The following CNKSR3 variants were observed in gnomAD, a reference collection of about 807,000 sequenced individuals.
The protein encoded by CNKSR3 is connector enhancer of kinase suppressor of ras 3.
Under a neutral mutation model 67.7 loss-of-function variants are expected in CNKSR3, and 36 were observed. The ratio of observed to expected loss-of-function variants is 0.53; its 90% CI spans 0.41 to 0.70. The LOEUF (loss-of-function observed/expected upper bound fraction) is 0.70, where lower values mean the gene tolerates loss of function less well. CNKSR3 is among the 30% of genes least tolerant of loss of function. The pLI, the probability that CNKSR3 is intolerant of heterozygous loss-of-function variation, is 0.00. For synonymous variants in CNKSR3, 281 were observed against 271.4 expected, an observed-to-expected ratio of 1.04 and a Z score of -0.35; for missense variants, 630 against 695.2, an observed-to-expected ratio of 0.91 and a Z score of 1.05.
At chr6:154,505,643 G>T (rs753177306) in intron 1 of CNKSR3, among the ~76,000 whole-genome samples, 2 of 150,780 alleles carry the variant, frequency 1.3e-5, no homozygotes, top group South Asian at 4.2e-4. Flanking sequence ...GACTACAGGC[G>T]CCCACCACCA....
chr6:154,480,496 A>G (rs1437956372), intron 1 of CNKSR3, among the ~76,000 whole-genome samples: 3 of 152,186 alleles, frequency 2.0e-5, no homozygotes, highest in African/African-American at 7.2e-5. Context: ...GCGGAGTCTC[A>G]TGAGCAGGAT....
intron 1 of CNKSR3, among the ~76,000 whole-genome samples, chr6:154,463,220 C>T (rs1230630698): frequency 4.6e-5 from 7 of 151,882 alleles, no homozygotes; most frequent in Non-Finnish European, 1.0e-4. Flanking sequence ...CAGGCGCCCA[C>T]CACCACGCCC....
intron 5 of CNKSR3, 22 bp downstream of exon 5, chr6:154,433,444 A>G (rs1367973888): frequency 6.5e-7 from 1 of 1,527,824 alleles, no homozygotes; most frequent in African/African-American, 1.4e-5. Context: ...ATTTTACAAT[A>G]ACTTTTAGAA....
At chr6:154,465,056 G>C (rs2114618880) in intron 1 of CNKSR3, among the ~76,000 whole-genome samples, 1 of 148,276 alleles carries the variant, frequency 6.7e-6, no homozygotes, top group East Asian at 2.1e-4. Context: ...CAGGAAAATT[G>C]CTTGAACCTG....
intron 11 of CNKSR3, 74 bp from the exon 12 acceptor site, chr6:154,410,506 T>A: frequency 1.0e-6 from 1 of 981,434 alleles, no homozygotes; most frequent in Non-Finnish European, 1.6e-6. Flanking sequence ...CCTTTATGTA[T>A]AACTTAGACC....
At chr6:154,436,256 C>T (rs1785470165) in intron 4 of CNKSR3, among the ~76,000 whole-genome samples, 3 of 152,214 alleles carry the variant, frequency 2.0e-5, no homozygotes, top group Admixed American at 2.0e-4. Flanking sequence ...ACTGCAGCCT[C>T]CGCTTCCCAA....
chr6:154,473,992 C>G (rs1182856228), intron 1 of CNKSR3, among the ~76,000 whole-genome samples: 1 of 147,944 alleles, frequency 6.8e-6, no homozygotes, highest in East Asian at 2.1e-4. Context: ...ACCATGTTGG[C>G]CAGGATGGTC....
chr6:154,468,072 TTTTTTTTC>T (rs1213832111), intron 1 of CNKSR3, among the ~76,000 whole-genome samples: 5 of 64,834 alleles, frequency 7.7e-5, no homozygotes, highest in Non-Finnish European at 2.1e-4. Flanking sequence ...TTTTTTTTTC[TTTTTTTTC>T]TTTTTTTTTT....
At chr6:154,484,033 T>C (rs1319980442) in intron 1 of CNKSR3, among the ~76,000 whole-genome samples, 2 of 152,118 alleles carry the variant, frequency 1.3e-5, no homozygotes, top group African/African-American at 2.4e-5. Flanking sequence ...CAGAGCAAGA[T>C]GGAAAAATAG....
At chr6:154,461,784 C>G (rs1007146995) in intron 1 of CNKSR3, among the ~76,000 whole-genome samples, 6 of 152,198 alleles carry the variant, frequency 3.9e-5, no homozygotes, top group Non-Finnish European at 2.9e-5. Flanking sequence ...TAAAGTCACA[C>G]AACCAATAAT....
chr6:154,425,025 G>T (rs1785228515), intron 7 of CNKSR3, among the ~76,000 whole-genome samples: 1 of 152,136 alleles, frequency 6.6e-6, no homozygotes, highest in Non-Finnish European at 1.5e-5. Context: ...GCCCGCCTTG[G>T]CCTCCCAAAG....
intron 2 of CNKSR3, among the ~76,000 whole-genome samples, chr6:154,449,754 CT>C (rs1330031816): frequency 6.6e-6 from 1 of 152,108 alleles, no homozygotes; most frequent in Non-Finnish European, 1.5e-5. Context: ...ATATTTTAGG[CT>C]TTGGGGGAAC....
intron 4 of CNKSR3, among the ~76,000 whole-genome samples, chr6:154,437,039 G>C (rs761336377): frequency 6.6e-6 from 1 of 152,048 alleles, no homozygotes; most frequent in East Asian, 1.9e-4. Context: ...GAAGAAGAAG[G>C]GGGGACGGCA....
chr6:154,454,963 G>A (rs1341985685), intron 1 of CNKSR3, among the ~76,000 whole-genome samples: 1 of 151,964 alleles, frequency 6.6e-6, no homozygotes, highest in African/African-American at 2.4e-5. Flanking sequence ...AATCATCATT[G>A]GTTTCACCTA....
chr6:154,437,410 C>CT lies in CNKSR3; in HGVS notation c.507+3881dup, dbSNP rs10665656. Among the ~76,000 whole-genome samples the CT allele has an allele frequency of 8.3e-3, 852 of 102,124 alleles. 22 individuals carry two copies. Among genetic ancestry groups the CT allele is most frequent in the African/African-American group, 0.016 (418 of 26,708 alleles). The allele number at this position is 102,124 out of a possible 152,430, so 67.0% of individuals were successfully genotyped here. A position where few individuals can be genotyped will look rare whatever the true frequency, so the allele number is the denominator to read the frequency against. On this transcript the variant is annotated intron_variant, in intron 4 of 12. Coordinates refer to ENST00000607772, the MANE Select transcript of CNKSR3 (RefSeq NM_173515.4). Reference sequence around the variant, plus strand: ...CACCATTTGGCAAAGCACCTATGTTCTTTTTTTTTTTTTTTTTTTTTGAGA... The same window carrying CT: ...CACCATTTGGCAAAGCACCTATGTTCTTTTTTTTTTTTTTTTTTTTTTGAGA...
intron 10 of CNKSR3, 120 bp downstream of exon 10, chr6:154,414,179 A>G: frequency 9.4e-7 from 1 of 1,059,260 alleles, no homozygotes; most frequent in East Asian, 2.7e-5. Flanking sequence ...GCAGTTCAAG[A>G]TTCAGCCCTG....
intron 1 of CNKSR3, among the ~76,000 whole-genome samples, chr6:154,480,647 T>A (rs1011432804): frequency 5.3e-5 from 8 of 152,328 alleles, no homozygotes; most frequent in Admixed American, 3.3e-4. Flanking sequence ...GTGTCCCTGG[T>A]TGCCCACTAT....
At chr6:154,454,019 C>T (rs971278820) in intron 1 of CNKSR3, among the ~76,000 whole-genome samples, 2 of 150,900 alleles carry the variant, frequency 1.3e-5, no homozygotes, top group Non-Finnish European at 2.9e-5. Flanking sequence ...ACCTACTCTA[C>T]TGTCATGAAA....
chr6:154,484,136 G>A (rs1435153024), intron 1 of CNKSR3, among the ~76,000 whole-genome samples: 1 of 152,120 alleles, frequency 6.6e-6, no homozygotes, highest in East Asian at 1.9e-4. Flanking sequence ...TGTCATTAAC[G>A]ACAAAATAAC....
Sources: allele counts gnomAD v4.1 joint callset (sites outside exome capture counted in the v4.1 genomes callset), GRCh38; gene constraint gnomAD v4.1.1; transcripts MANE v1.5; gene names NCBI Gene and HGNC (gene_info 2026-07-23, HGNC 2026-07-21).